CSN2: variants seen among roughly 807,000 people sequenced by gnomAD.
CSN2 encodes casein beta.
A neutral mutation model predicts 27.3 loss-of-function variants in CSN2; 27 were observed. That is an observed-to-expected ratio of 0.99 (90% CI 0.73 to 1.36). CSN2 has a LOEUF of 1.36. Ranked by LOEUF, CSN2 falls within the 40% of genes most tolerant of loss-of-function variation. CSN2 has a pLI of 0.00. For synonymous variants in CSN2, 131 were observed against 94.8 expected, an observed-to-expected ratio of 1.38 and a Z score of -2.22; for missense variants, 333 against 264.5, an observed-to-expected ratio of 1.26 and a Z score of -1.80.
intron 1 of CSN2, among the ~76,000 whole-genome samples, chr4:69,962,510 G>A (rs1723629845): frequency 6.6e-6 from 1 of 151,972 alleles, no homozygotes; most frequent in South Asian, 2.1e-4. Context: ...AATAAATGGT[G>A]CTGGGAAAAC....
At chr4:69,963,730 G>A (rs146667920) in intron 1 of CSN2, among the ~76,000 whole-genome samples, 250 of 152,082 alleles carry the variant, frequency 1.6e-3, no homozygotes, top group African/African-American at 5.7e-3. Context: ...AAAACTTAAA[G>A]TATAATAATA....
chr4:69,961,056 T>C (rs1205558702), intron 1 of CSN2, 49 bp from the exon 2 acceptor site: 18 of 1,337,410 alleles, frequency 1.3e-5, no homozygotes, highest in Middle Eastern at 3.6e-4. Context: ...CAATTGGATA[T>C]ACTTTCTTAT....
chr4:69,956,321 A>G lies in CSN2; in HGVS notation c.*29T>C. ...CAAACTCCCAAAACTTACCAAAAAT[A>G]AGGAGGGAAAATTAACTTTGAAATC... On this transcript the variant is annotated 3_prime_UTR_variant, in exon 7 of 8. Transcript: ENST00000353151. 1 of 1,400,500 alleles carries G rather than the reference A, an allele frequency of 7.1e-7. No individual in the cohort carries two copies. The highest frequency in any genetic ancestry group is 9.4e-7 in the Non-Finnish European group (1 of 1,059,656). 86.8% of individuals were successfully genotyped at this position (1,400,500 alleles called of 1,614,324 possible).
chr4:69,959,083 TA>T lies in CSN2; in HGVS notation c.79-15del. 7.6e-7 allele frequency: 1 copy of T among 1,320,068 alleles called. No individual in the cohort carries two copies. Among genetic ancestry groups the T allele is most frequent in the South Asian group, 1.4e-5 (1 of 73,326 alleles). The allele number at this position is 1,320,068 out of a possible 1,614,324, so 81.8% of individuals were successfully genotyped here. On this transcript the variant is annotated splice_polypyrimidine_tract_variant and intron_variant, in intron 3 of 7. Coordinates refer to ENST00000353151, the MANE Select transcript of CSN2 (RefSeq NM_001891.4). ...TGTAATAGATTCCTACAGAAAAATA[TA>T]AAATAAAATTAGGTTTAGTTTTAAC...
At chr4:69,958,813 T>C in intron 5 of CSN2, 96 bp downstream of exon 5, 1 of 793,334 alleles carries the variant, frequency 1.3e-6, no homozygotes, top group Non-Finnish European at 1.9e-6. Flanking sequence ...TTTATTTTAT[T>C]ATCATTCTTT....
At position 69,960,938 on chromosome 4, in the gene CSN2, C is replaced by T; in HGVS notation, c.51+7G>A. On this transcript the variant is annotated splice_region_variant and intron_variant, in intron 2 of 7. Coordinates refer to ENST00000353151, the MANE Select transcript of CSN2 (RefSeq NM_001891.4). Reference sequence around the variant, plus strand: ...GATTGTTTAGGAATTTTTTCTTGTGCACATACCTCCCTTGCAAGAGCAAGA... The same window carrying T: ...GATTGTTTAGGAATTTTTTCTTGTGTACATACCTCCCTTGCAAGAGCAAGA... 1 of 1,612,070 alleles carries T rather than the reference C, an allele frequency of 6.2e-7. No homozygotes were observed. Among genetic ancestry groups the T allele is most frequent in the Non-Finnish European group, 8.5e-7 (1 of 1,178,640 alleles).
intron 1 of CSN2, among the ~76,000 whole-genome samples, chr4:69,964,359 T>C (rs1489528117): frequency 6.6e-6 from 1 of 152,108 alleles, no homozygotes; most frequent in African/African-American, 2.4e-5. Flanking sequence ...TACATTTTTT[T>C]GTAATTTATT....
chr4:69,958,115 G>T (rs1227667474), intron 5 of CSN2, among the ~76,000 whole-genome samples: 3 of 152,122 alleles, frequency 2.0e-5, no homozygotes, highest in Non-Finnish European at 4.4e-5. Flanking sequence ...GTACACTTTG[G>T]TCTTCAGAGA....
Position 69,962,471 on chromosome 4 carries a change from A to G in CSN2, c.-12-1464T>C, listed in dbSNP as rs149677071. Reference sequence around the variant, plus strand: ...CTGATCTTTGACAAAGCTGACAAAAACAAGCAATGGGGAAAGGATTCCCTA... The same window carrying G: ...CTGATCTTTGACAAAGCTGACAAAAGCAAGCAATGGGGAAAGGATTCCCTA... On this transcript the variant is annotated intron_variant, in intron 1 of 7. Transcript: ENST00000353151. 1.4e-3 allele frequency among the ~76,000 whole-genome samples: 218 copies of G among 152,308 alleles called. 3 individuals carry two copies. The highest frequency in any genetic ancestry group is 5.1e-3 in the African/African-American group (214 of 41,576).
Position 69,960,099 on chromosome 4 carries a change from A to T in CSN2, c.52-20T>A, listed in dbSNP as rs1387689003. 1 of 1,608,688 alleles carries T rather than the reference A, an allele frequency of 6.2e-7. No homozygotes were observed. The highest frequency in any genetic ancestry group is 2.2e-5 in the East Asian group (1 of 44,678). On this transcript the variant is annotated intron_variant, in intron 2 of 7. Transcript: ENST00000353151. ...TATGGTCTGTGGGAAAAAAAAATTG[A>T]CAACCAGCTAAATCTTCTAGATCAT...
In CSN2 at chr4:69,956,191, TA is replaced by T. The variant is rs1723390397; in HGVS notation, c.*36+122del. The T allele has an allele frequency of 5.7e-6, 3 of 522,454 alleles. No individual in the cohort carries two copies. The African/African-American group carries it at 5.9e-5, about 10-fold the overall frequency. 32.4% of individuals were successfully genotyped at this position (522,454 alleles called of 1,614,324 possible). A position where few individuals can be genotyped will look rare whatever the true frequency, so the allele number is the denominator to read the frequency against. ...GATAGTCAACCATTAAATTGATAAT[TA>T]ATAAAAAAAGTTCTTGTATGTATGA... On this transcript the variant is annotated intron_variant, in intron 7 of 7. Coordinates refer to ENST00000353151, the MANE Select transcript of CSN2 (RefSeq NM_001891.4).
intron 5 of CSN2, 102 bp downstream of exon 5, chr4:69,958,807 T>C (rs1312125564): frequency 1.3e-6 from 1 of 778,896 alleles, no homozygotes; most frequent in African/African-American, 1.8e-5. Flanking sequence ...ATGGCATTTA[T>C]TTTATTATCA....
At chr4:69,959,219 G>A (rs1249558149) in intron 3 of CSN2, 150 bp from the exon 4 acceptor site, 7 of 641,498 alleles carry the variant, frequency 1.1e-5, no homozygotes, top group African/African-American at 7.6e-5. Context: ...TTCTATATGA[G>A]CTTGTTATGT....
intron 4 of CSN2, 26 bp downstream of exon 4, chr4:69,959,023 T>G: frequency 6.7e-7 from 1 of 1,484,646 alleles, no homozygotes; most frequent in South Asian, 1.2e-5. Flanking sequence ...TTTGAAAATG[T>G]GTACATTTTA....
chr4:69,961,534 A>G (rs1029623150), intron 1 of CSN2, among the ~76,000 whole-genome samples: 3 of 152,108 alleles, frequency 2.0e-5, no homozygotes, highest in East Asian at 1.9e-4. Flanking sequence ...ATTCAACAAC[A>G]CTTCATGCTA....
intron 3 of CSN2, 26 bp from the exon 4 acceptor site, chr4:69,959,095 A>C (rs775195419): frequency 4.7e-5 from 60 of 1,288,820 alleles, no homozygotes; most frequent in Admixed American, 2.2e-4. Flanking sequence ...AAATAAAATT[A>C]GGTTTAGTTT....
intron 1 of CSN2, among the ~76,000 whole-genome samples, chr4:69,963,547 C>G (rs970111271): frequency 2.7e-5 from 4 of 150,810 alleles, no homozygotes; most frequent in African/African-American, 9.8e-5. Flanking sequence ...TGGGAACACA[C>G]GGACACAGGA....
intron 1 of CSN2, among the ~76,000 whole-genome samples, chr4:69,964,930 A>G (rs1037399632): frequency 6.6e-6 from 1 of 151,502 alleles, no homozygotes; most frequent in African/African-American, 2.4e-5. Flanking sequence ...CCAGAGCTTC[A>G]TTATCAACTG....
In CSN2 at chr4:69,957,670, G is replaced by T; in HGVS notation, c.279C>A (p.Val93=). The T allele has an allele frequency of 6.2e-7, 1 of 1,613,964 alleles. No individual in the cohort carries two copies. Among genetic ancestry groups the T allele is most frequent in the Non-Finnish European group, 8.5e-7 (1 of 1,180,000 alleles). Reference sequence around the variant, plus strand: ...GGACTTCCATTATTTCAGGCTGAGGGACAGGCAGCACCACAGCAGGCTGAG... The same window carrying T: ...GGACTTCCATTATTTCAGGCTGAGGTACAGGCAGCACCACAGCAGGCTGAG... The part of the protein sequence containing the change: ...PLAQPAVVLP[V]PQPEIMEVPK... Residue 93 remains valine, a synonymous_variant, in exon 6 of 8, where the codon GTC becomes GTA. Transcript: ENST00000353151.
Sources: gnomAD v4.1 joint callset for allele counts (sites outside exome capture counted in the v4.1 genomes callset) on GRCh38, gnomAD v4.1.1 for gene constraint, MANE v1.5 for transcripts, NCBI Gene and HGNC (gene_info 2026-07-23, HGNC 2026-07-21) for gene names.